MCF2L: variants seen among roughly 807,000 people sequenced by gnomAD.
MCF2L encodes MCF.2 cell line derived transforming sequence like, also known as guanine nucleotide exchange factor DBS.
Under a neutral mutation model 153.4 loss-of-function variants are expected in MCF2L, and 97 were observed. That is an observed-to-expected ratio of 0.63 (90% CI 0.54 to 0.75). MCF2L has a LOEUF of 0.75. Among genes scored for constraint, MCF2L ranks in the 30% least tolerant of loss-of-function variants. The pLI, the probability that MCF2L is intolerant of heterozygous loss-of-function variation, is 0.00. For synonymous variants in MCF2L, 659 were observed against 632.2 expected (o/e 1.04, Z -0.64); for missense variants, 1,347 against 1,495.2 (o/e 0.90, Z 1.64).
intron 15 of MCF2L, among the ~76,000 whole-genome samples, chr13:113,080,678 C>T (rs2034040947): frequency 6.6e-6 from 1 of 152,214 alleles, no homozygotes; most frequent in South Asian, 2.1e-4. Context: ...CCACCACTGC[C>T]CACCTGCTGT....
Position 113,054,912 on chromosome 13 carries a change from G to A in MCF2L, c.370-5681G>A, listed in dbSNP as rs1044340563. The stretch of plus-strand genomic sequence containing the variant: ...GTTCATCCAGGTCAGCCCAGAAAAT[G>A]AGCAATATTGTTTTCATGTTAGATA... On this transcript the variant is annotated intron_variant, in intron 4 of 29. Coordinates refer to ENST00000535094, the MANE Select transcript of MCF2L (RefSeq NM_001112732.3). This position sits in a 1 kb window ranked among gnomAD's most constrained non-coding sequence, Gnocchi z 5.2. 4 of 152,290 alleles carry A rather than the reference G, an allele frequency of 2.6e-5. No homozygotes were observed. The highest frequency in any genetic ancestry group is 6.5e-5 in the Admixed American group (1 of 15,300). 9.4% of individuals were successfully genotyped at this position (152,290 alleles called of 1,614,324 possible).
At chr13:113,032,084 A>G (rs1349446754) in intron 3 of MCF2L, among the ~76,000 whole-genome samples, 1 of 152,168 alleles carries the variant, frequency 6.6e-6, no homozygotes, top group Non-Finnish European at 1.5e-5. Flanking sequence ...AGAAACACGA[A>G]TGTAATCATT....
At chr13:112,985,433 CTACCT>C (rs1186294526) in intron 1 of MCF2L, 1 of 471,056 alleles carries the variant, frequency 2.1e-6, no homozygotes, top group African/African-American at 2.0e-5. Flanking sequence ...TGAAAAGCTA[CTACCT>C]GTATTCTGAG....
chr13:112,934,495 C>T lies in MCF2L; in HGVS notation c.169+32124C>T, dbSNP rs545935304. ...CAACTCAGACCCCTGGGCCCCACAT[C>T]CAGAGTCTCTGATTCAAGAGGTCTG... On this transcript the variant is annotated intron_variant, in intron 2 of 29. Coordinates refer to the MCF2L transcript ENST00000375608. Among the ~76,000 whole-genome samples the T allele has an allele frequency of 4.9e-5, 7 of 141,698 alleles. No individual in the cohort carries two copies. In the East Asian group the frequency reaches 1.5e-3, roughly 30 times the overall value. The allele number at this position is 141,698 out of a possible 152,430, so 93.0% of individuals were successfully genotyped here.
chr13:112,963,194 A>G (rs376138334), intron 2 of MCF2L, among the ~76,000 whole-genome samples: 189 of 152,308 alleles, frequency 1.2e-3, no homozygotes, highest in African/African-American at 4.2e-3. Context: ...CACTCTCAGC[A>G]GGGAATGCCG....
At position 113,044,792 on chromosome 13, in the gene MCF2L, T is replaced by C. The variant is rs1032369700; in HGVS notation, c.279-479T>C. On this transcript the variant is annotated intron_variant, in intron 3 of 29. Transcript: ENST00000535094. Reference sequence around the variant, plus strand: ...GCAGATGCTTGGGAACCTTCAGAAGTCTTGGGGATTTTCTCCCAGCACCGT... The same window carrying C: ...GCAGATGCTTGGGAACCTTCAGAAGCCTTGGGGATTTTCTCCCAGCACCGT... 3 of 1,612,688 alleles carry C rather than the reference T, an allele frequency of 1.9e-6. No individual in the cohort carries two copies. In the African/African-American group the frequency reaches 4.0e-5, roughly 22 times the overall value.
rs1244667192 is a variant in MCF2L at position 113,032,991 on chromosome 13, CCCCCGTGAT to C, written c.278+8234_278+8242del. ...TGAGTGGACCCTGTGATGTGAGTGG[CCCCCGTGAT>C]GTGAGTGGCCCCCGTGACATTAGTG... On this transcript the variant is annotated intron_variant, in intron 3 of 29. Coordinates refer to ENST00000535094, the MANE Select transcript of MCF2L (RefSeq NM_001112732.3). 9.7e-3 allele frequency among the ~76,000 whole-genome samples: 1,428 copies of C among 146,494 alleles called. 34 individuals carry two copies. Among genetic ancestry groups the C allele is most frequent in the African/African-American group, 0.035 (1,359 of 39,366 alleles).
At chr13:112,976,332 T>C (rs1277799272) in intron 1 of MCF2L, among the ~76,000 whole-genome samples, 1 of 152,190 alleles carries the variant, frequency 6.6e-6, no homozygotes, top group East Asian at 1.9e-4. Flanking sequence ...AGGAAAGAAC[T>C]AGTATTAAGT....
At chr13:112,935,265 CT>C (rs202232822) in intron 2 of MCF2L, among the ~76,000 whole-genome samples, 3 of 151,622 alleles carry the variant, frequency 2.0e-5, no homozygotes, top group Non-Finnish European at 2.9e-5. Context: ...ATATTCCATA[CT>C]TTTTTTTTGA....
chr13:113,008,214 G>A (rs570567118), intron 1 of MCF2L, among the ~76,000 whole-genome samples: 9 of 152,310 alleles, frequency 5.9e-5, no homozygotes, highest in East Asian at 5.8e-4. Context: ...CACTGTGCCC[G>A]GCCAAGTACG....
intron 21 of MCF2L, among the ~76,000 whole-genome samples, 174 bp from the exon 22 acceptor site, chr13:113,087,061 C>A (rs1167566576): frequency 1.3e-5 from 2 of 152,204 alleles, no homozygotes; most frequent in Non-Finnish European, 2.9e-5. Context: ...CCTCCCCCAG[C>A]CCCTGGCACC....
chr13:113,007,716 C>T (rs891747009), intron 1 of MCF2L, among the ~76,000 whole-genome samples: 3 of 152,088 alleles, frequency 2.0e-5, no homozygotes, highest in African/African-American at 2.4e-5. Flanking sequence ...CTTGGGGAGT[C>T]GGCGGGAGAG....
At chr13:113,014,483 C>G (rs1262670622) in intron 1 of MCF2L, among the ~76,000 whole-genome samples, 3 of 152,132 alleles carry the variant, frequency 2.0e-5, no homozygotes, top group Non-Finnish European at 4.4e-5. Context: ...CTGCCCAGGT[C>G]TCTCTCTTTG....
chr13:113,066,020 G>A (rs1035412196), intron 7 of MCF2L, 26 bp from the exon 8 acceptor site: 7 of 1,609,318 alleles, frequency 4.3e-6, no homozygotes, highest in Non-Finnish European at 5.9e-6. Context: ...ACGGGGCCGG[G>A]ACATGAGGCT....
rs539396240 is a variant in MCF2L, at chr13:112,998,423, T to A, written c.80-16340T>A. Among the ~76,000 whole-genome samples, 8 of 152,254 alleles carry A rather than the reference T, an allele frequency of 5.3e-5. No individual in the cohort carries two copies. In the East Asian group the frequency reaches 1.5e-3, roughly 29 times the overall value. On this transcript the variant is annotated intron_variant, in intron 1 of 29. Transcript: ENST00000535094. ...TGTTGGGGAAATGGGCTGGGGACAT[T>A]TCTGGAGGGTTCCGGAGGGTCCTGG...
At chr13:113,011,418 A>G (rs759398357) in intron 1 of MCF2L, among the ~76,000 whole-genome samples, 25 of 151,896 alleles carry the variant, frequency 1.6e-4, no homozygotes, top group Non-Finnish European at 2.8e-4. Context: ...GATGATGGAC[A>G]GGTGGTGTGG....
intron 1 of MCF2L, among the ~76,000 whole-genome samples, chr13:112,985,692 T>C (rs1367911163): frequency 6.6e-6 from 1 of 152,144 alleles, no homozygotes; most frequent in Non-Finnish European, 1.5e-5. Context: ...GATCCTAATT[T>C]ATGTCACAGT....
At position 113,070,968 on chromosome 13, in the gene MCF2L, A is replaced by G. The variant is rs1439860083; in HGVS notation, c.996+795A>G. On this transcript the variant is annotated intron_variant, in intron 9 of 29. Transcript: ENST00000535094. This position sits in a 1 kb window ranked among gnomAD's most constrained non-coding sequence, Gnocchi z 5.6. ...GTGCCCAGAATGTAATTGCAGGGTT[A>G]TATAGTAGTTGCATGTTTCGTTTAA... is the stretch of plus-strand genomic sequence containing the variant. Among the ~76,000 whole-genome samples the G allele has an allele frequency of 2.0e-5, 3 of 152,202 alleles. No individual in the cohort carries two copies.
chr13:113,001,717 G>A, intron 1 of MCF2L: 1 of 1,360,802 alleles, frequency 7.3e-7, no homozygotes, highest in Non-Finnish European at 9.4e-7. Flanking sequence ...CTTAATCAGG[G>A]ACATCGAATC....
Sources: allele counts gnomAD v4.1 joint callset (sites outside exome capture counted in the v4.1 genomes callset), GRCh38; gene constraint gnomAD v4.1.1; non-coding constraint Gnocchi (gnomAD v3.1); transcripts MANE v1.5; gene names NCBI Gene and HGNC (gene_info 2026-07-23, HGNC 2026-07-21).